Variants in KATNIP observed in about 807,000 individuals in gnomAD.
KATNIP encodes the protein katanin interacting protein, also known as katanin-interacting protein.
In KATNIP, 126 loss-of-function variants were observed where a neutral mutation model predicts 174.0. That is an observed-to-expected ratio of 0.72 (90% CI 0.63 to 0.84). The LOEUF (loss-of-function observed/expected upper bound fraction) is 0.84, where lower values mean the gene tolerates loss of function less well. KATNIP is among the 40% of genes least tolerant of loss of function. The pLI is 0.00. For missense variants in KATNIP, 1,958 were observed against 2,109.7 expected (o/e 0.93, Z 1.41); for synonymous variants, 810 against 835.7 (o/e 0.97, Z 0.53).
intron 14 of KATNIP, 130 bp from the exon 15 acceptor site, chr16:27,739,911 G>A (rs982087210): frequency 8.4e-6 from 8 of 946,990 alleles, no homozygotes; most frequent in Non-Finnish European, 1.2e-5. Flanking sequence ...CCCCAGCACT[G>A]TGGTTTTCAA....
intron 1 of KATNIP, among the ~76,000 whole-genome samples, chr16:27,562,503 A>G (rs928941209): frequency 2.6e-5 from 4 of 152,152 alleles, no homozygotes; most frequent in African/African-American, 4.8e-5. Flanking sequence ...GCTACTTCCA[A>G]CGTTTCTCAA....
chr16:27,748,690 G>A (rs548084385), intron 15 of KATNIP, among the ~76,000 whole-genome samples: 2 of 151,934 alleles, frequency 1.3e-5, no homozygotes, highest in East Asian at 1.9e-4. Flanking sequence ...GGGCTGAAGC[G>A]GGAGGATCGC....
chr16:27,707,814 T>A (rs142160242), intron 12 of KATNIP, among the ~76,000 whole-genome samples: 5 of 152,364 alleles, frequency 3.3e-5, no homozygotes, highest in African/African-American at 1.2e-4. Context: ...CCTTTTTCTG[T>A]GTGTGCATCC....
chr16:27,588,479 GT>G (rs1473346896), intron 2 of KATNIP, among the ~76,000 whole-genome samples: 1 of 151,688 alleles, frequency 6.6e-6, no homozygotes, highest in Non-Finnish European at 1.5e-5. Context: ...TTTTTGTTTT[GT>G]TTTGTTTTGT....
intron 10 of KATNIP, among the ~76,000 whole-genome samples, chr16:27,701,161 T>A (rs555793756): frequency 9.2e-5 from 14 of 152,190 alleles, no homozygotes; most frequent in African/African-American, 3.1e-4. Context: ...GATTTTTTTT[T>A]ATTTTTTATT....
intron 1 of KATNIP, among the ~76,000 whole-genome samples, chr16:27,562,324 T>C (rs1346575549): frequency 6.6e-6 from 1 of 151,962 alleles, no homozygotes; most frequent in Non-Finnish European, 1.5e-5. Flanking sequence ...AAAATAATAA[T>C]GGTGATAATA....
rs1474711724 is a variant in KATNIP, at chr16:27,652,126, G to A, written c.540+3391G>A. 2.6e-5 allele frequency among the ~76,000 whole-genome samples: 4 copies of A among 152,144 alleles called. No individual in the cohort carries two copies. In the South Asian group the frequency reaches 6.2e-4, roughly 24 times the overall value. ...GTACCACCATCCTGGGTACCATTCCGGACACTGAGGATAAGGCAGAAGAGA... is the reference window on the plus strand; with the variant it reads ...GTACCACCATCCTGGGTACCATTCCAGACACTGAGGATAAGGCAGAAGAGA... On this transcript the variant is annotated intron_variant, in intron 6 of 27. Coordinates refer to ENST00000261588, the MANE Select transcript of KATNIP (RefSeq NM_015202.5).
At chr16:27,550,218 T>G (rs772848791) in intron 1 of KATNIP, 41 bp downstream of exon 1, 1 of 1,597,890 alleles carries the variant, frequency 6.3e-7, no homozygotes, top group South Asian at 1.1e-5. Context: ...GGGCTGTTAT[T>G]CTCCCATCCC....
At chr16:27,747,993 G>A (rs2081355851) in intron 15 of KATNIP, among the ~76,000 whole-genome samples, 1 of 152,186 alleles carries the variant, frequency 6.6e-6, no homozygotes, top group African/African-American at 2.4e-5. Flanking sequence ...TAGGAGACAG[G>A]CAGGAAATGG....
intron 18 of KATNIP, among the ~76,000 whole-genome samples, chr16:27,759,714 G>GCTTTACAGGCTCTGCTTGC (rs1471356171): frequency 6.6e-5 from 10 of 152,192 alleles, no homozygotes; most frequent in Middle Eastern, 3.2e-3. Context: ...AGCCCCGAGT[G>GCTTTACAGGCTCTGCTTGC]CTTTACAGGC....
intron 18 of KATNIP, among the ~76,000 whole-genome samples, chr16:27,757,903 A>G (rs757795018): frequency 6.6e-6 from 1 of 152,214 alleles, no homozygotes; most frequent in Non-Finnish European, 1.5e-5. Flanking sequence ...TGCAGATGAC[A>G]CTAATTTTGG....
chr16:27,662,966 C>T (rs1013895396), intron 6 of KATNIP, among the ~76,000 whole-genome samples: 8 of 151,868 alleles, frequency 5.3e-5, no homozygotes, highest in Non-Finnish European at 1.2e-4. Flanking sequence ...AGCAAGTATA[C>T]GTTATTTATT....
intron 15 of KATNIP, among the ~76,000 whole-genome samples, chr16:27,744,371 T>A (rs12921417): frequency 0.2 from 29,726 of 151,666 alleles, 3,444 homozygotes; most frequent in African/African-American, 0.33. Context: ...ACAAAAGTTT[T>A]AAAAAAAATA....
chr16:27,740,968 T>G (rs1359818737), intron 15 of KATNIP, 48 bp downstream of exon 15: 1 of 1,504,030 alleles, frequency 6.6e-7, no homozygotes, highest in South Asian at 1.3e-5. Context: ...TCCCAGCCCC[T>G]CTAATTGGCA....
At chr16:27,766,194 C>A in intron 19 of KATNIP, 115 bp from the exon 20 acceptor site, 1 of 1,084,628 alleles carries the variant, frequency 9.2e-7, no homozygotes, top group South Asian at 1.5e-5. Context: ...CTGACACAGC[C>A]AGGCTAGTGC....
chr16:27,560,283 G>GAAAA (rs765910684), intron 1 of KATNIP, among the ~76,000 whole-genome samples: 14 of 44,966 alleles, frequency 3.1e-4, no homozygotes, highest in African/African-American at 7.9e-4. Context: ...CTCTGTCTCA[G>GAAAA]AAAAAAAAAA....
intron 2 of KATNIP, among the ~76,000 whole-genome samples, chr16:27,582,295 A>G (rs1479115769): frequency 6.6e-6 from 1 of 152,238 alleles, no homozygotes; most frequent in Non-Finnish European, 1.5e-5. Flanking sequence ...GGAAGAAAAC[A>G]AAAGAAAAGG....
chr16:27,554,078 G>A (rs538057210), intron 1 of KATNIP, among the ~76,000 whole-genome samples: 53 of 152,024 alleles, frequency 3.5e-4, no homozygotes, highest in Non-Finnish European at 6.0e-4. Flanking sequence ...AGGGAGGAAG[G>A]AAGGAGGGAA....
At chr16:27,680,599 T>C (rs1213369318) in intron 7 of KATNIP, among the ~76,000 whole-genome samples, 3 of 152,054 alleles carry the variant, frequency 2.0e-5, no homozygotes, top group Non-Finnish European at 4.4e-5. Context: ...CTATCATAAC[T>C]CACTGCAGTC....
Sources: allele counts gnomAD v4.1 joint callset (sites outside exome capture counted in the v4.1 genomes callset), GRCh38; gene constraint gnomAD v4.1.1; transcripts MANE v1.5; gene names NCBI Gene and HGNC (gene_info 2026-07-23, HGNC 2026-07-21).